The following CERS6 variants were observed in gnomAD, a reference collection of about 807,000 sequenced individuals.
CERS6 encodes the protein LAG1 homolog, ceramide synthase 6.
Under a neutral mutation model 56.8 loss-of-function variants are expected in CERS6, and 26 were observed. That is an observed-to-expected ratio of 0.46 (90% CI 0.34 to 0.63). The LOEUF is 0.63. Among genes scored for constraint, CERS6 ranks in the 30% least tolerant of loss-of-function variants. The probability of loss-of-function intolerance (pLI) is 0.01; values close to 1 mark genes in which losing one functional copy is unlikely to be tolerated. For missense variants in CERS6, 415 were observed against 467.5 expected (o/e 0.89, Z 1.04); for synonymous variants, 164 against 173.3 (o/e 0.95, Z 0.42).
chr2:168,607,623 G>A (rs183166189), intron 3 of CERS6, among the ~76,000 whole-genome samples: 20 of 152,206 alleles, frequency 1.3e-4, no homozygotes, highest in Admixed American at 2.0e-4. Flanking sequence ...CTTGTGATCC[G>A]CCTGCCTCGG....
At chr2:168,648,645 T>C (rs1685262678) in intron 4 of CERS6, among the ~76,000 whole-genome samples, 1 of 152,210 alleles carries the variant, frequency 6.6e-6, no homozygotes, top group Non-Finnish European at 1.5e-5. Flanking sequence ...TTCCAACTTT[T>C]TGATGTGGGC....
At chr2:168,614,365 C>T (rs1869371) in intron 3 of CERS6, among the ~76,000 whole-genome samples, 2,603 of 152,276 alleles carry the variant, frequency 0.017, 102 homozygotes, top group East Asian at 0.16. Flanking sequence ...CAACTTAAAA[C>T]TCCAGGAGAT....
At chr2:168,723,564 T>TG (rs11390270) in intron 8 of CERS6, among the ~76,000 whole-genome samples, 92,242 of 152,030 alleles carry the variant, frequency 0.61, 28,462 homozygotes, top group Non-Finnish European at 0.63. Context: ...TCAAATCATC[T>TG]GGAACATTGC....
chr2:168,562,621 A>T (rs1228961919), intron 3 of CERS6, among the ~76,000 whole-genome samples: 5 of 152,198 alleles, frequency 3.3e-5, no homozygotes, highest in Non-Finnish European at 5.9e-5. Flanking sequence ...TGGAGTAAAG[A>T]ATAACAAGGC....
At chr2:168,601,591 C>T (rs1321664389) in intron 3 of CERS6, among the ~76,000 whole-genome samples, 1 of 151,726 alleles carries the variant, frequency 6.6e-6, no homozygotes, top group Non-Finnish European at 1.5e-5. Context: ...GCTCTGTCGC[C>T]CAGGCTGGAG....
chr2:168,733,923 A>C (rs1168919309), intron 8 of CERS6, among the ~76,000 whole-genome samples: 1 of 152,194 alleles, frequency 6.6e-6, no homozygotes, highest in African/African-American at 2.4e-5. Context: ...CTTTGCTTCA[A>C]AATGGAGGGG....
intron 4 of CERS6, 98 bp from the exon 5 acceptor site, chr2:168,690,936 A>C: frequency 8.1e-6 from 9 of 1,113,516 alleles, no homozygotes; most frequent in Non-Finnish European, 1.2e-5. Context: ...TAAATTATTG[A>C]AATCCAAAAA....
intron 1 of CERS6, among the ~76,000 whole-genome samples, chr2:168,473,636 A>G (rs1449099594): frequency 6.6e-6 from 1 of 152,130 alleles, no homozygotes; most frequent in Non-Finnish European, 1.5e-5. Flanking sequence ...TGTTTGAAAT[A>G]TTTAGAATAT....
At chr2:168,712,682 T>C (rs940782786) in intron 6 of CERS6, among the ~76,000 whole-genome samples, 6 of 152,206 alleles carry the variant, frequency 3.9e-5, no homozygotes, top group Non-Finnish European at 8.8e-5. Flanking sequence ...CAATCTGTAA[T>C]GTTGCTGCTC....
intron 4 of CERS6, among the ~76,000 whole-genome samples, chr2:168,641,474 C>T (rs987389036): frequency 2.6e-5 from 4 of 152,296 alleles, no homozygotes; most frequent in African/African-American, 9.6e-5. Flanking sequence ...TCCCAGGCAG[C>T]TGGATGCATG....
intron 4 of CERS6, among the ~76,000 whole-genome samples, chr2:168,645,493 A>C (rs1685177366): frequency 6.6e-6 from 1 of 152,008 alleles, no homozygotes; most frequent in Non-Finnish European, 1.5e-5. Context: ...TTTTTAAAAA[A>C]GTTATGCTTA....
At chr2:168,532,853 A>G (rs953635277) in intron 1 of CERS6, among the ~76,000 whole-genome samples, 5 of 152,224 alleles carry the variant, frequency 3.3e-5, no homozygotes, top group Non-Finnish European at 1.5e-5. Context: ...AGTTTCTTTT[A>G]TATGGCAGAA....
At chr2:168,466,533 A>G (rs1693880948) in intron 1 of CERS6, among the ~76,000 whole-genome samples, 1 of 152,248 alleles carries the variant, frequency 6.6e-6, no homozygotes, top group Non-Finnish European at 1.5e-5. Context: ...AATGCTGCAT[A>G]TTATAAAAAC....
chr2:168,518,687 G>C (rs1694925637), intron 1 of CERS6, among the ~76,000 whole-genome samples: 1 of 152,136 alleles, frequency 6.6e-6, no homozygotes, highest in African/African-American at 2.4e-5. Flanking sequence ...TGTTCCTACA[G>C]CTGTGTCTGT....
chr2:168,763,265 A>G (rs1342391033), intron 8 of CERS6, among the ~76,000 whole-genome samples: 1 of 127,450 alleles, frequency 7.8e-6, no homozygotes, highest in African/African-American at 2.9e-5. Flanking sequence ...TTTTTGAGAC[A>G]GAGTCTCACT....
At chr2:168,642,458 CACATAT>C (rs1027111075) in intron 4 of CERS6, among the ~76,000 whole-genome samples, 6 of 152,186 alleles carry the variant, frequency 3.9e-5, no homozygotes, top group African/African-American at 1.4e-4. Flanking sequence ...TGTGTACATA[CACATAT>C]ACATGTGTGA....
At chr2:168,754,937 G>A (rs1574222863) in intron 8 of CERS6, among the ~76,000 whole-genome samples, 2 of 151,996 alleles carry the variant, frequency 1.3e-5, no homozygotes, top group South Asian at 2.1e-4. Flanking sequence ...TGTCACACCC[G>A]GCTAATTTTT....
At chr2:168,599,629 T>C in intron 3 of CERS6, among the ~76,000 whole-genome samples, 1 of 152,248 alleles carries the variant, frequency 6.6e-6, no homozygotes, top group East Asian at 1.9e-4. Context: ...AAAGAGATCA[T>C]TTGTTGACAT....
chr2:168,543,482 T>G (rs2105370050), intron 1 of CERS6, among the ~76,000 whole-genome samples: 1 of 122,134 alleles, frequency 8.2e-6, no homozygotes. Flanking sequence ...AAAAATCCAG[T>G]TTTTTACATG....
Sources: allele counts gnomAD v4.1 joint callset (sites outside exome capture counted in the v4.1 genomes callset), GRCh38; gene constraint gnomAD v4.1.1; transcripts MANE v1.5; gene names NCBI Gene and HGNC (gene_info 2026-07-23, HGNC 2026-07-21).